The following CDH9 variants were observed in gnomAD, a reference collection of about 807,000 sequenced individuals.
The protein encoded by CDH9 is cadherin-9.
A neutral mutation model predicts 70.9 loss-of-function variants in CDH9; 28 were observed. The ratio of observed to expected loss-of-function variants is 0.40; its 90% CI spans 0.29 to 0.54. The LOEUF is 0.54. CDH9 is among the 20% of genes least tolerant of loss of function. The pLI, the probability that CDH9 is intolerant of heterozygous loss-of-function variation, is 0.59. For missense variants in CDH9, 874 were observed against 984.4 expected (o/e 0.89, Z 1.50); for synonymous variants, 409 against 343.1 (o/e 1.19, Z -2.12).
chr5:27,037,911 T>C (rs1294926081), intron 1 of CDH9, among the ~76,000 whole-genome samples: 1 of 151,952 alleles, frequency 6.6e-6, no homozygotes, highest in Non-Finnish European at 1.5e-5. Flanking sequence ...AATCCTGACA[T>C]CCAATATGCA....
At chr5:26,886,382 A>C (rs1030878862) in intron 9 of CDH9, among the ~76,000 whole-genome samples, 1 of 151,994 alleles carries the variant, frequency 6.6e-6, no homozygotes, top group Middle Eastern at 3.2e-3. Flanking sequence ...TCCAATACCT[A>C]TCCTCTTTTG....
rs1056975036 is a variant in CDH9, at chr5:26,880,986, C to T, written c.*150G>A. The stretch of plus-strand genomic sequence containing the variant: ...ATTCGTATTCATTCACAAAGACTTA[C>T]TGATTAAGCAAATCCCTACTTGACA... On this transcript the variant is annotated 3_prime_UTR_variant, in exon 12 of 12. Coordinates refer to ENST00000231021, the MANE Select transcript of CDH9 (RefSeq NM_016279.4). The T allele has an allele frequency of 7.9e-6, 5 of 632,986 alleles. No homozygotes were observed. The highest frequency in any genetic ancestry group is 7.4e-5 in the African/African-American group (4 of 53,768). The allele number at this position is 632,986 out of a possible 1,614,324, so 39.2% of individuals were successfully genotyped here. A position where few individuals can be genotyped will look rare whatever the true frequency, so the allele number is the denominator to read the frequency against.
intron 2 of CDH9, among the ~76,000 whole-genome samples, chr5:26,929,332 A>G (rs1336797427): frequency 6.6e-6 from 1 of 152,088 alleles, no homozygotes; most frequent in African/African-American, 2.4e-5. Context: ...CCAAAAGACA[A>G]ACAATAACAG....
intron 3 of CDH9, 26 bp from the exon 4 acceptor site, chr5:26,906,864 A>G (rs780605581): frequency 6.3e-7 from 1 of 1,578,188 alleles, no homozygotes; most frequent in Non-Finnish European, 8.6e-7. Flanking sequence ...ATCCCCAAAC[A>G]GAGACATTTA....
intron 9 of CDH9, among the ~76,000 whole-genome samples, chr5:26,889,128 G>T (rs1740612998): frequency 6.6e-6 from 1 of 152,064 alleles, no homozygotes; most frequent in South Asian, 2.1e-4. Flanking sequence ...AATTAAAGAT[G>T]ATTCTTAACA....
intron 2 of CDH9, among the ~76,000 whole-genome samples, chr5:26,940,485 C>T (rs1373521630): frequency 1.3e-5 from 2 of 151,946 alleles, no homozygotes; most frequent in Non-Finnish European, 2.9e-5. Context: ...ATTGTTAAAG[C>T]TGCTATTAGA....
intron 7 of CDH9, among the ~76,000 whole-genome samples, chr5:26,899,674 C>A (rs1740817718): frequency 6.6e-6 from 1 of 151,498 alleles, no homozygotes; most frequent in Non-Finnish European, 1.5e-5. Context: ...ACAATGAGAA[C>A]CCATGGACAC....
At chr5:26,998,914 A>G (rs1742715974) in intron 1 of CDH9, among the ~76,000 whole-genome samples, 1 of 152,130 alleles carries the variant, frequency 6.6e-6, no homozygotes. Flanking sequence ...AAGTTATTAA[A>G]AAAGGGAACA....
intron 1 of CDH9, among the ~76,000 whole-genome samples, chr5:26,996,747 T>C (rs1742673191): frequency 6.7e-6 from 1 of 148,436 alleles, no homozygotes. Context: ...TATCTCTATA[T>C]ATCTATATCT....
chr5:26,977,970 A>G (rs1333046799), intron 2 of CDH9, among the ~76,000 whole-genome samples: 1 of 152,108 alleles, frequency 6.6e-6, no homozygotes, highest in Non-Finnish European at 1.5e-5. Flanking sequence ...TCAGGGAATA[A>G]ACAAAATAAT....
At chr5:26,932,657 G>A (rs1257286961) in intron 2 of CDH9, among the ~76,000 whole-genome samples, 4 of 152,008 alleles carry the variant, frequency 2.6e-5, no homozygotes, top group African/African-American at 4.8e-5. Context: ...TATTTAAAGC[G>A]TGTTTATTGA....
chr5:26,935,093 A>C (rs1741536293), intron 2 of CDH9, among the ~76,000 whole-genome samples: 1 of 152,196 alleles, frequency 6.6e-6, no homozygotes, highest in Non-Finnish European at 1.5e-5. Context: ...TCAGAAGTGA[A>C]TTAGGTAATC....
Position 26,906,729 on chromosome 5 carries a change from GT to G in CDH9, c.632del (p.Asp211AlafsTer6). On this transcript the variant is annotated frameshift_variant, in exon 4 of 12. Coordinates refer to ENST00000231021, the MANE Select transcript of CDH9 (RefSeq NM_016279.4). LOFTEE classifies it high-confidence loss of function. ...ILQGQPYFSV[D>X]PESGIIKTAL... ...GTTTAAATGTTGTACCTGATTCTGGGTCCACTGAAAAATATGGCTGTCCTTG... is the reference window on the plus strand; with the variant it reads ...GTTTAAATGTTGTACCTGATTCTGGGCCACTGAAAAATATGGCTGTCCTTG... The G allele has an allele frequency of 1.2e-6, 2 of 1,612,876 alleles. No individual in the cohort carries two copies. The highest frequency in any genetic ancestry group is 1.7e-6 in the Non-Finnish European group (2 of 1,179,448).
intron 2 of CDH9, among the ~76,000 whole-genome samples, chr5:26,936,295 A>C (rs891416349): frequency 6.6e-6 from 1 of 152,132 alleles, no homozygotes; most frequent in African/African-American, 2.4e-5. Context: ...AGCAATTACC[A>C]CTTGAGATTG....
chr5:26,971,695 C>T (rs1742220937), intron 2 of CDH9, among the ~76,000 whole-genome samples: 1 of 151,994 alleles, frequency 6.6e-6, no homozygotes, highest in Non-Finnish European at 1.5e-5. Flanking sequence ...CTGCAGCATG[C>T]TAAGGGGATA....
chr5:26,891,406 C>G lies in CDH9; in HGVS notation c.1254-842G>C, dbSNP rs567936702. 3.9e-5 allele frequency among the ~76,000 whole-genome samples: 6 copies of G among 152,148 alleles called. No individual in the cohort carries two copies. In the South Asian group the frequency reaches 1.2e-3, roughly 32 times the overall value. ...AAAAGTGGAATGGGAAGACCAGGTG[C>G]GGTGGCTCACGCCTGTAATCCCAAA... On this transcript the variant is annotated intron_variant, in intron 7 of 11. Coordinates refer to ENST00000231021, the MANE Select transcript of CDH9 (RefSeq NM_016279.4).
At position 26,933,492 on chromosome 5, in the gene CDH9, G is replaced by GA. The variant is rs553238538; in HGVS notation, c.229-17569dup. On this transcript the variant is annotated intron_variant, in intron 2 of 11. Coordinates refer to ENST00000231021, the MANE Select transcript of CDH9 (RefSeq NM_016279.4). ...CTAGCCAGGCTAACTAAAAAAAAAA[G>GA]AAGGCAGGGTGCACTGGCTCACGCC... Among the ~76,000 whole-genome samples the GA allele has an allele frequency of 2.4e-4, 30 of 124,260 alleles. 1 individual carries two copies. The South Asian group carries it at 5.9e-3, about 24-fold the overall frequency. The allele number at this position is 124,260 out of a possible 152,430, so 81.5% of individuals were successfully genotyped here.
chr5:27,035,393 T>A (rs1299819866), intron 1 of CDH9, among the ~76,000 whole-genome samples: 3 of 151,608 alleles, frequency 2.0e-5, no homozygotes, highest in Non-Finnish European at 4.4e-5. Flanking sequence ...AAAACAAATA[T>A]GCAAGATACA....
chr5:26,913,225 T>A (rs937737404), intron 3 of CDH9, among the ~76,000 whole-genome samples: 1 of 152,156 alleles, frequency 6.6e-6, no homozygotes, highest in Non-Finnish European at 1.5e-5. Flanking sequence ...TGTTTTTGTA[T>A]TTATTAAAAT....
Sources: gnomAD v4.1 joint callset for allele counts (sites outside exome capture counted in the v4.1 genomes callset) on GRCh38, gnomAD v4.1.1 for gene constraint, MANE v1.5 for transcripts, NCBI Gene and HGNC (gene_info 2026-07-23, HGNC 2026-07-21) for gene names.